The following AP4E1 variants were observed in gnomAD, a reference collection of about 807,000 sequenced individuals.
AP4E1 encodes the protein adaptor related protein complex 4 subunit epsilon 1.
AP4E1 carries 56 observed loss-of-function variants against 128.2 expected under a neutral mutation model. The observed-to-expected ratio is 0.44, with a 90% CI of 0.35 to 0.55. The LOEUF is 0.55. Among genes scored for constraint, AP4E1 ranks in the 20% least tolerant of loss-of-function variants. AP4E1 has a pLI of 0.00. For missense variants in AP4E1, 1,324 were observed against 1,307.7 expected, an observed-to-expected ratio of 1.01 and a Z score of -0.19; for synonymous variants, 484 against 473.1, an observed-to-expected ratio of 1.02 and a Z score of -0.30.
chr15:50,944,751 A>G, intron 10 of AP4E1: 1 of 594,226 alleles, frequency 1.7e-6, no homozygotes. Flanking sequence ...CTATGATCCT[A>G]CCTTACATCC....
chr15:51,000,961 A>G (rs986652304), intron 19 of AP4E1, 65 bp from the exon 20 acceptor site: 1 of 1,266,152 alleles, frequency 7.9e-7, no homozygotes, highest in South Asian at 1.2e-5. Flanking sequence ...GAGGCATTTG[A>G]AATTTGTTGT....
At chr15:50,919,840 G>A (rs1417356710) in intron 3 of AP4E1, among the ~76,000 whole-genome samples, 8 of 151,842 alleles carry the variant, frequency 5.3e-5, no homozygotes, top group Admixed American at 4.6e-4. Flanking sequence ...ACTGTGAGAG[G>A]CTTAGGTGGG....
intron 8 of AP4E1, 130 bp downstream of exon 8, chr15:50,934,827 A>G (rs2063886005): frequency 1.6e-6 from 1 of 620,602 alleles, no homozygotes; most frequent in East Asian, 3.0e-5. Flanking sequence ...TCTTTGGATT[A>G]TTATTTTTTC....
chr15:50,923,056 C>T (rs1305967501), intron 3 of AP4E1, among the ~76,000 whole-genome samples: 3 of 152,140 alleles, frequency 2.0e-5, no homozygotes, highest in East Asian at 1.9e-4. Context: ...GGATAACAGG[C>T]GTGAGCCACC....
chr15:50,933,092 T>G (rs1350578274), intron 7 of AP4E1, among the ~76,000 whole-genome samples: 2 of 152,160 alleles, frequency 1.3e-5, no homozygotes, highest in East Asian at 3.8e-4. Context: ...CTTGCCTTCA[T>G]GGATAAATTT....
At chr15:50,936,673 C>T (rs1402537687) in intron 8 of AP4E1, among the ~76,000 whole-genome samples, 3 of 152,126 alleles carry the variant, frequency 2.0e-5, no homozygotes, top group Non-Finnish European at 2.9e-5. Flanking sequence ...TGGTGGCTCA[C>T]GCCTGTGATC....
At chr15:50,975,485 A>G (rs1006241663) in intron 15 of AP4E1, among the ~76,000 whole-genome samples, 1 of 152,152 alleles carries the variant, frequency 6.6e-6, no homozygotes, top group Non-Finnish European at 1.5e-5. Flanking sequence ...ATGGTATAAG[A>G]TAAAGCTTCC....
At chr15:50,956,173 G>A (rs2064220565) in intron 13 of AP4E1, among the ~76,000 whole-genome samples, 1 of 152,150 alleles carries the variant, frequency 6.6e-6, no homozygotes, top group African/African-American at 2.4e-5. Flanking sequence ...CTTCCCAGAA[G>A]CAGACATCCA....
At position 50,925,224 on chromosome 15, in the gene AP4E1, G is replaced by GTAAAT. The variant is rs1167984865; in HGVS notation, c.542+7_542+11dup. On this transcript the variant is annotated splice_donor_region_variant and intron_variant, in intron 5 of 20. Coordinates refer to ENST00000261842, the MANE Select transcript of AP4E1 (RefSeq NM_007347.5). ...AGATAAACTTCAACATTCTAAGTAAGTAAATTCTTTTGGGATAGGCATCTA... is the reference window on the plus strand; with the variant it reads ...AGATAAACTTCAACATTCTAAGTAAGTAAATTAAATTCTTTTGGGATAGGCATCTA... The GTAAAT allele has an allele frequency of 6.8e-6, 11 of 1,612,368 alleles. No individual in the cohort carries two copies. The highest frequency in any genetic ancestry group is 9.3e-6 in the Non-Finnish European group (11 of 1,178,776).
chr15:50,989,949 A>G (rs2064781493), intron 16 of AP4E1, among the ~76,000 whole-genome samples: 1 of 152,166 alleles, frequency 6.6e-6, no homozygotes, highest in African/African-American at 2.4e-5. Context: ...GGCAAGGTGA[A>G]TCATCTTAGA....
At chr15:50,968,233 A>T (rs767488314) in intron 14 of AP4E1, 30 bp from the exon 15 acceptor site, 1 of 1,400,118 alleles carries the variant, frequency 7.1e-7, no homozygotes, top group Non-Finnish European at 1.0e-6. Flanking sequence ...AATTTATTTA[A>T]TTCCTAATTT....
At chr15:50,974,447 G>A (rs1391675881) in intron 15 of AP4E1, among the ~76,000 whole-genome samples, 3 of 151,392 alleles carry the variant, frequency 2.0e-5, no homozygotes, top group South Asian at 2.1e-4. Context: ...TTAATTTTTT[G>A]TAGAGACAGA....
intron 20 of AP4E1, among the ~76,000 whole-genome samples, chr15:51,001,647 A>G (rs2064964122): frequency 6.6e-6 from 1 of 152,196 alleles, no homozygotes; most frequent in African/African-American, 2.4e-5. Context: ...TTCACTGAGC[A>G]TAATATCTTC....
At chr15:50,941,321 C>T (rs967227317) in intron 8 of AP4E1, 121 bp from the exon 9 acceptor site, 5 of 1,144,926 alleles carry the variant, frequency 4.4e-6, no homozygotes, top group Non-Finnish European at 6.3e-6. Flanking sequence ...GTGAAAAGTC[C>T]ATAAATAAGA....
Position 50,997,851 on chromosome 15 carries a change from G to A in AP4E1, c.2872G>A (p.Asp958Asn), listed in dbSNP as rs2064901180. 1 of 1,598,166 alleles carries A rather than the reference G, an allele frequency of 6.3e-7. No individual in the cohort carries two copies. The highest frequency in any genetic ancestry group is 1.7e-5 in the Admixed American group (1 of 58,598). The change falls in exon 18 of 21, where the codon GAC becomes AAC. Residue 958 changes from aspartate (D) to asparagine (N), a missense_variant. Asp to Asn is a conservative substitution (Grantham distance 23). Coordinates refer to ENST00000261842, the MANE Select transcript of AP4E1 (RefSeq NM_007347.5). ...NKSGLELKSADLEIFPAENFK... is the reference protein window; with the variant it reads ...NKSGLELKSANLEIFPAENFK... The stretch of plus-strand genomic sequence containing the variant: ...GAGTGGTTTGGAATTGAAAAGTGCT[G>A]ACTTAGAAATTTTTCCTGCAGAAAA...
rs1054289960 is a variant in AP4E1, at chr15:50,996,328, C to T, written c.2347-998C>T. 2.0e-5 allele frequency among the ~76,000 whole-genome samples: 3 copies of T among 151,858 alleles called. No individual in the cohort carries two copies. In the South Asian group the frequency reaches 6.2e-4, roughly 32 times the overall value. On this transcript the variant is annotated intron_variant, in intron 17 of 20. Transcript: ENST00000261842. Reference sequence around the variant, plus strand: ...TACACATCTACCTTGAGTCCCATTACTACTGAAAATAACTACTATTTGATA... The same window carrying T: ...TACACATCTACCTTGAGTCCCATTATTACTGAAAATAACTACTATTTGATA...
intron 10 of AP4E1, 34 bp downstream of exon 10, chr15:50,941,809 G>A: frequency 6.4e-7 from 1 of 1,554,264 alleles, no homozygotes; most frequent in Non-Finnish European, 8.9e-7. Flanking sequence ...TATGTGAAGT[G>A]TTAAAATTTT....
intron 14 of AP4E1, among the ~76,000 whole-genome samples, chr15:50,966,531 C>CTTTTTT (rs11329556): frequency 6.2e-5 from 6 of 96,436 alleles, no homozygotes; most frequent in Non-Finnish European, 1.0e-4. Flanking sequence ...TCTCAAGAAT[C>CTTTTTT]TTTTTTTTTT....
intron 16 of AP4E1, among the ~76,000 whole-genome samples, chr15:50,987,555 T>C (rs939171463): frequency 1.3e-5 from 2 of 152,240 alleles, no homozygotes; most frequent in Non-Finnish European, 2.9e-5. Flanking sequence ...TTCATTTCGT[T>C]ATGTACCCAG....
Sources: gnomAD v4.1 joint callset for allele counts (sites outside exome capture counted in the v4.1 genomes callset) on GRCh38, gnomAD v4.1.1 for gene constraint, MANE v1.5 for transcripts, NCBI Gene and HGNC (gene_info 2026-07-23, HGNC 2026-07-21) for gene names.